ZFC3H1: variants seen among roughly 807,000 people sequenced by gnomAD.
ZFC3H1 encodes the protein zinc finger C3H1 domain-containing protein.
ZFC3H1 carries 71 observed loss-of-function variants against 243.7 expected under a neutral mutation model. The observed-to-expected ratio is 0.29, with a 90% CI of 0.24 to 0.36. The LOEUF is 0.36. ZFC3H1 is among the 10% of genes least tolerant of loss of function. ZFC3H1 has a pLI of 1.00. For synonymous variants in ZFC3H1, 838 were observed against 813.0 expected, an observed-to-expected ratio of 1.03 and a Z score of -0.52; for missense variants, 1,966 against 2,317.1, an observed-to-expected ratio of 0.85 and a Z score of 3.11.
Position 71,644,960 on chromosome 12 carries a change from T to A in ZFC3H1, c.1196A>T (p.Glu399Val), listed in dbSNP as rs759133164. ...TACAGTTTTCGTCTTAGTCAACTTT[T>A]CTTTGCTTTCTTTCATCACCTGCTG... ...KEQQVMKESK[E>V]KLTKTKTVQQ... Residue 399 changes from glutamate to valine, a missense_variant, in exon 4 of 35, where the codon GAA (glutamate) becomes GTA (valine). This residue lies in a region of ZFC3H1 where 91 missense variants were observed against 107.6 expected (regional missense o/e 0.85). Transcript: ENST00000378743. The A allele has an allele frequency of 6.2e-7, 1 of 1,613,400 alleles. No individual in the cohort carries two copies. Among genetic ancestry groups the A allele is most frequent in the South Asian group, 1.1e-5 (1 of 91,042 alleles).
intron 20 of ZFC3H1, among the ~76,000 whole-genome samples, chr12:71,628,418 T>C (rs919115721): frequency 2.6e-5 from 4 of 152,226 alleles, no homozygotes; most frequent in Non-Finnish European, 5.9e-5. Flanking sequence ...TCACAAATAA[T>C]GCAAACTTGA....
intron 6 of ZFC3H1, among the ~76,000 whole-genome samples, chr12:71,641,721 G>A (rs1300596491): frequency 3.9e-5 from 6 of 152,128 alleles, no homozygotes; most frequent in South Asian, 2.1e-4. Context: ...ACAAATTATC[G>A]TACTAGAAAG....
chr12:71,647,746 T>C lies in ZFC3H1; in HGVS notation c.1080+3A>G. ...ATGATAGTCTCACAAAGCAGTATCT[T>C]ACCTTTTCAGACAGAATATCTGAGG... On this transcript the variant is annotated splice_donor_region_variant and intron_variant, in intron 3 of 34. Transcript: ENST00000378743. The C allele has an allele frequency of 6.8e-7, 1 of 1,473,290 alleles. No homozygotes were observed. The highest frequency in any genetic ancestry group is 9.2e-7 in the Non-Finnish European group (1 of 1,081,876). 91.3% of individuals were successfully genotyped at this position (1,473,290 alleles called of 1,614,324 possible).
At chr12:71,631,909 C>A in intron 15 of ZFC3H1, 22 bp from the exon 16 acceptor site, 1 of 1,608,326 alleles carries the variant, frequency 6.2e-7, no homozygotes, top group Non-Finnish European at 8.5e-7. Context: ...AATAATAATT[C>A]TGTAAGGCAA....
intron 18 of ZFC3H1, among the ~76,000 whole-genome samples, 173 bp downstream of exon 18, chr12:71,630,427 G>C (rs1035887740): frequency 1.3e-5 from 2 of 152,166 alleles, no homozygotes; most frequent in African/African-American, 4.8e-5. Context: ...TAGTGTAACA[G>C]AGGAAGTAAA....
intron 6 of ZFC3H1, among the ~76,000 whole-genome samples, chr12:71,642,047 G>A (rs559926961): frequency 2.6e-5 from 4 of 151,958 alleles, no homozygotes; most frequent in Non-Finnish European, 4.4e-5. Context: ...ACAGGGTTTC[G>A]CCATGTCAGC....
At chr12:71,643,339 G>C (rs550433204) in intron 5 of ZFC3H1, among the ~76,000 whole-genome samples, 2 of 152,080 alleles carry the variant, frequency 1.3e-5, no homozygotes, top group East Asian at 3.9e-4. Flanking sequence ...TTTGAACCTG[G>C]GAGGTGGAGG....
chr12:71,626,692 G>T (rs1880175683), intron 21 of ZFC3H1, among the ~76,000 whole-genome samples: 1 of 152,128 alleles, frequency 6.6e-6, no homozygotes, highest in African/African-American at 2.4e-5. Context: ...ACAGATAAAA[G>T]TACAGTGTTA....
chr12:71,625,858 TCC>T (rs1880151419), intron 22 of ZFC3H1, among the ~76,000 whole-genome samples: 1 of 152,222 alleles, frequency 6.6e-6, no homozygotes. Context: ...CAAAAATGTT[TCC>T]TGGCAGTCAT....
intron 1 of ZFC3H1, among the ~76,000 whole-genome samples, chr12:71,658,011 C>CT (rs919726293): frequency 1.6e-4 from 24 of 151,444 alleles, no homozygotes; most frequent in Non-Finnish European, 2.9e-5. Context: ...AAAAAAAACA[C>CT]TTTAAAATAG....
chr12:71,657,504 A>C (rs1881051078), intron 1 of ZFC3H1, among the ~76,000 whole-genome samples: 2 of 152,250 alleles, frequency 1.3e-5, no homozygotes, highest in South Asian at 4.1e-4. Flanking sequence ...TTTAGTAAGT[A>C]CCATATAAAC....
intron 2 of ZFC3H1, among the ~76,000 whole-genome samples, chr12:71,648,949 G>C (rs1277562158): frequency 6.6e-6 from 1 of 151,984 alleles, no homozygotes; most frequent in South Asian, 2.1e-4. Flanking sequence ...AAATTAGCCA[G>C]GCATGGTGGT....
rs937932118 is a variant in ZFC3H1, at chr12:71,615,374, C to G, written c.5145-58G>C. 6.3e-6 allele frequency: 7 copies of G among 1,115,704 alleles called. No homozygotes were observed. In the African/African-American group the frequency reaches 9.5e-5, roughly 15 times the overall value. The allele number at this position is 1,115,704 out of a possible 1,614,324, so 69.1% of individuals were successfully genotyped here. ...TACACCTACCCACACAGGAATTACACACATATTTTTTAAAATCGTTAGTTT... is the reference window on the plus strand; with the variant it reads ...TACACCTACCCACACAGGAATTACAGACATATTTTTTAAAATCGTTAGTTT... On this transcript the variant is annotated intron_variant, in intron 27 of 34. Transcript: ENST00000378743.
intron 5 of ZFC3H1, among the ~76,000 whole-genome samples, chr12:71,643,201 G>A (rs533064692): frequency 4.0e-5 from 6 of 151,872 alleles, no homozygotes; most frequent in African/African-American, 9.7e-5. Flanking sequence ...TCATGCGGTC[G>A]GGAGTTCAAG....
intron 27 of ZFC3H1, among the ~76,000 whole-genome samples, chr12:71,618,734 C>A (rs1352776198): frequency 6.6e-6 from 1 of 152,026 alleles, no homozygotes; most frequent in Non-Finnish European, 1.5e-5. Flanking sequence ...AGCCTCCCCC[C>A]AAAAAATCAT....
intron 27 of ZFC3H1, among the ~76,000 whole-genome samples, chr12:71,616,155 A>C (rs1033886857): frequency 6.6e-6 from 1 of 152,128 alleles, no homozygotes; most frequent in Non-Finnish European, 1.5e-5. Flanking sequence ...AAAATTAGTC[A>C]GGTGTGGTGA....
chr12:71,652,074 A>G (rs1041600877), intron 2 of ZFC3H1, among the ~76,000 whole-genome samples: 9 of 152,224 alleles, frequency 5.9e-5, no homozygotes, highest in African/African-American at 2.2e-4. Flanking sequence ...AAGGCCTGCA[A>G]AAATTATGAA....
chr12:71,628,075 T>C (rs554491259), intron 20 of ZFC3H1, 141 bp from the exon 21 acceptor site: 10 of 796,464 alleles, frequency 1.3e-5, no homozygotes, highest in Middle Eastern at 3.6e-4. Context: ...AGCTTTAAGG[T>C]AGAGCTATGA....
rs1881040058 is a variant in ZFC3H1 at position 71,657,087 on chromosome 12, G to A, written c.813C>T (p.Ser271=). The A allele has an allele frequency of 6.2e-7, 1 of 1,613,950 alleles. No homozygotes were observed. The highest frequency in any genetic ancestry group is 1.1e-5 in the South Asian group (1 of 91,076). ...CCTTTGTAATACTGACATTATCAGT[G>A]CTAGTTTGGTCCTCGAAGTTCAATG... ...PKTLNFEDQT[S]TDNVSITKDS... The change falls in exon 2 of 35, where the codon AGC becomes AGT. Residue 271 remains serine (S), a synonymous_variant. Transcript: ENST00000378743.
Sources: allele counts gnomAD v4.1 joint callset (sites outside exome capture counted in the v4.1 genomes callset), GRCh38; gene constraint gnomAD v4.1.1; regional missense constraint gnomAD v4.1.1; transcripts MANE v1.5; gene names NCBI Gene and HGNC (gene_info 2026-07-23, HGNC 2026-07-21).